CUX1: variants seen among roughly 807,000 people sequenced by gnomAD.
The protein encoded by CUX1 is protein CASP.
Under a neutral mutation model 158.8 loss-of-function variants are expected in CUX1, and 31 were observed. The observed-to-expected ratio is 0.20, with a 90% CI of 0.15 to 0.26. The LOEUF (loss-of-function observed/expected upper bound fraction) is 0.26, where lower values mean the gene tolerates loss of function less well. Among genes scored for constraint, CUX1 ranks in the 10% least tolerant of loss-of-function variants. The pLI is 1.00. For synonymous variants in CUX1, 879 were observed against 862.1 expected, an observed-to-expected ratio of 1.02 and a Z score of -0.34; for missense variants, 1,589 against 2,014.6, an observed-to-expected ratio of 0.79 and a Z score of 4.04.
chr7:102,235,522 G>A (rs561126454), intron 22 of CUX1, among the ~76,000 whole-genome samples: 7 of 152,218 alleles, frequency 4.6e-5, no homozygotes, highest in African/African-American at 1.4e-4. Context: ...GCAACATAGT[G>A]AAACCCCATC....
chr7:101,844,702 G>A (rs1193968211), intron 1 of CUX1, among the ~76,000 whole-genome samples: 2 of 152,044 alleles, frequency 1.3e-5, no homozygotes, highest in African/African-American at 2.4e-5. Context: ...TGCAACCTCC[G>A]CCTCCCGGGT....
chr7:102,045,115 G>A (rs1354363601), intron 3 of CUX1, among the ~76,000 whole-genome samples: 2 of 152,200 alleles, frequency 1.3e-5, no homozygotes, highest in Non-Finnish European at 2.9e-5. Context: ...GTAAGTTCGC[G>A]CCATGATGGC....
chr7:101,995,404 CCTT>C (rs1320093484), intron 2 of CUX1, among the ~76,000 whole-genome samples: 1 of 152,208 alleles, frequency 6.6e-6, no homozygotes, highest in Non-Finnish European at 1.5e-5. Context: ...CTCTATCCCT[CCTT>C]CTTATAAAAC....
chr7:102,280,077 A>G, exon 19 of CUX1: 8 of 1,610,856 alleles, frequency 5.0e-6, no homozygotes, highest in Non-Finnish European at 6.8e-6. Flanking sequence ...TACTCGTCCC[A>G]GTACGAGGAG....
At chr7:102,063,556 T>C (rs1825194664) in intron 3 of CUX1, among the ~76,000 whole-genome samples, 1 of 151,986 alleles carries the variant, frequency 6.6e-6, no homozygotes, top group African/African-American at 2.4e-5. Context: ...ACCCAGCTAA[T>C]TTTTATAGTT....
At chr7:102,264,168 G>A (rs2529121) in intron 14 of CUX1, among the ~76,000 whole-genome samples, 71,955 of 150,198 alleles carry the variant, frequency 0.48, 17,504 homozygotes, top group East Asian at 0.75. Context: ...ACCGCGCCCG[G>A]CTAATTTTTG....
At chr7:102,183,855 T>A (rs1047329508) in intron 11 of CUX1, among the ~76,000 whole-genome samples, 11 of 152,228 alleles carry the variant, frequency 7.2e-5, no homozygotes, top group Admixed American at 6.5e-5. Flanking sequence ...CTGGAAGACA[T>A]GACCTTTCCC....
intron 13 of CUX1, among the ~76,000 whole-genome samples, chr7:102,194,597 A>T (rs1051801940): frequency 1.4e-5 from 2 of 146,834 alleles, no homozygotes; most frequent in Non-Finnish European, 3.0e-5. Context: ...GAGACTGACT[A>T]TTTTTTTTTT....
At chr7:102,089,116 C>G (rs979817314) in intron 4 of CUX1, among the ~76,000 whole-genome samples, 1 of 152,092 alleles carries the variant, frequency 6.6e-6, no homozygotes, top group African/African-American at 2.4e-5. Context: ...TGTGTCTAAT[C>G]TATTGTTCAG....
intron 23 of CUX1, among the ~76,000 whole-genome samples, chr7:102,246,836 C>T (rs1800864850): frequency 6.6e-6 from 1 of 152,244 alleles, no homozygotes; most frequent in South Asian, 2.1e-4. Flanking sequence ...TCCCAAAGTG[C>T]TGGGATTGCA....
rs1172542823 is a variant in CUX1 at position 102,003,210 on chromosome 7, T to C, written c.142-24888T>C. On this transcript the variant is annotated intron_variant, in intron 2 of 23. Transcript: ENST00000292535. ...CACCAAGCTCGGCCCAGAGGGACTC[T>C]CTAGAGAGGCCCCTTGATCCCACAA... 2.6e-5 allele frequency among the ~76,000 whole-genome samples: 4 copies of C among 151,830 alleles called. No homozygotes were observed. In the East Asian group the frequency reaches 5.8e-4, roughly 22 times the overall value.
chr7:101,820,217 C>T (rs1292092791), intron 1 of CUX1, among the ~76,000 whole-genome samples: 1 of 152,214 alleles, frequency 6.6e-6, no homozygotes, highest in East Asian at 1.9e-4. Flanking sequence ...ACATTTGTTT[C>T]AGCTCCTCTG....
chr7:101,851,908 A>T (rs1482071328), intron 1 of CUX1, among the ~76,000 whole-genome samples: 1 of 150,372 alleles, frequency 6.7e-6, no homozygotes, highest in Non-Finnish European at 1.5e-5. Context: ...GGCTCTCTGC[A>T]ACCTCCACTG....
At chr7:101,822,557 T>A (rs1372302820) in intron 1 of CUX1, 1 of 152,202 alleles carries the variant, frequency 6.6e-6, no homozygotes, top group East Asian at 1.9e-4. Flanking sequence ...AAAAAGCATT[T>A]GTGCTGCCCT....
At chr7:101,944,893 G>A (rs1200880492) in intron 2 of CUX1, among the ~76,000 whole-genome samples, 2 of 152,160 alleles carry the variant, frequency 1.3e-5, no homozygotes, top group African/African-American at 4.8e-5. Flanking sequence ...ACCCCACTTG[G>A]TATGAAATGA....
chr7:102,273,369 G>A (rs1554546733), exon 15 of CUX1: 17 of 1,611,542 alleles, frequency 1.1e-5, no homozygotes, highest in African/African-American at 2.7e-5. Flanking sequence ...GCCACAGGAC[G>A]CTGTGCGGAG....
chr7:101,833,781 A>G (rs950866598), intron 1 of CUX1, among the ~76,000 whole-genome samples: 1 of 152,068 alleles, frequency 6.6e-6, no homozygotes, highest in African/African-American at 2.4e-5. Context: ...TCGCCTTCCC[A>G]GGAAGTCTGC....
Position 101,835,274 on chromosome 7 carries a change from C to T in CUX1, c.30+17605C>T, listed in dbSNP as rs74805945. ...GACCTTCGTGCTGTGGCTTCTCTCA[C>T]GTAGCACAGTGTTTGCGGGGCTCAC... On this transcript the variant is annotated intron_variant, in intron 1 of 23. Coordinates refer to ENST00000292535, the MANE Select transcript of CUX1 (RefSeq NM_181552.4). 8.9e-3 allele frequency among the ~76,000 whole-genome samples: 1,353 copies of T among 152,308 alleles called. 10 individuals carry two copies. The highest frequency in any genetic ancestry group is 0.027 in the Middle Eastern group (8 of 294).
upstream of CUX1, chr7:101,816,226 C>T (rs1791756411): frequency 3.9e-5 from 7 of 178,062 alleles, 1 homozygote; most frequent in South Asian, 1.2e-3. Context: ...GTGCCGGGCA[C>T]CGCGGGGCCG....
Sources: gnomAD v4.1 joint callset for allele counts (sites outside exome capture counted in the v4.1 genomes callset) on GRCh38, gnomAD v4.1.1 for gene constraint, MANE v1.5 for transcripts, NCBI Gene and HGNC (gene_info 2026-07-23, HGNC 2026-07-21) for gene names.